NOS1: variants seen among roughly 807,000 people sequenced by gnomAD.
NOS1 encodes the protein nitric oxide synthase 1.
Under a neutral mutation model 164.5 loss-of-function variants are expected in NOS1, and 51 were observed. The observed-to-expected ratio is 0.31, with a 90% CI of 0.25 to 0.39. The LOEUF is 0.39. Ranked by LOEUF, NOS1 falls within the 10% of genes least tolerant of loss-of-function variation. NOS1 has a pLI of 1.00. For missense variants in NOS1, 1,362 were observed against 1,885.6 expected (o/e 0.72, Z 5.14); for synonymous variants, 719 against 745.8 (o/e 0.96, Z 0.59).
At chr12:117,289,292 G>C (rs1324140495) in intron 4 of NOS1, among the ~76,000 whole-genome samples, 1 of 152,208 alleles carries the variant, frequency 6.6e-6, no homozygotes, top group Non-Finnish European at 1.5e-5. Context: ...ATTCTTTTGT[G>C]TACTGGGTTC....
At chr12:117,318,722 G>A (rs1874777451) in intron 2 of NOS1, among the ~76,000 whole-genome samples, 1 of 152,172 alleles carries the variant, frequency 6.6e-6, no homozygotes, top group Non-Finnish European at 1.5e-5. Context: ...GGAGCAGGTG[G>A]GCCAAGCCTG....
At chr12:117,248,747 T>C (rs1592949542) in intron 17 of NOS1, among the ~76,000 whole-genome samples, 1 of 152,128 alleles carries the variant, frequency 6.6e-6, no homozygotes, top group South Asian at 2.1e-4. Context: ...GTATTTCTAG[T>C]TCTAGATCCC....
At position 117,284,965 on chromosome 12, in the gene NOS1, G is replaced by A. The variant is rs141506372; in HGVS notation, c.1382+276C>T. On this transcript the variant is annotated intron_variant, in intron 7 of 28. Coordinates refer to ENST00000317775, the MANE Select transcript of NOS1 (RefSeq NM_000620.5). ...CTCGGTAGGCTGAGGCAGGAGAATC[G>A]CTTGAACCTGGGAGGCAGAGGTTGC... is the stretch of plus-strand genomic sequence containing the variant. Among the ~76,000 whole-genome samples, 572 of 150,904 alleles carry A rather than the reference G, an allele frequency of 3.8e-3. 1 individual carries two copies. The highest frequency in any genetic ancestry group is 0.013 in the African/African-American group (529 of 41,110).
At chr12:117,299,515 T>TGTAGTCCCA (rs1873660482) in intron 3 of NOS1, among the ~76,000 whole-genome samples, 1 of 151,618 alleles carries the variant, frequency 6.6e-6, no homozygotes, top group African/African-American at 2.4e-5. Flanking sequence ...GGCGGGCGCC[T>TGTAGTCCCA]GTAGTCCCAG....
At chr12:117,360,787 G>A (rs1269074968) in intron 1 of NOS1, among the ~76,000 whole-genome samples, 1 of 152,232 alleles carries the variant, frequency 6.6e-6, no homozygotes, top group African/African-American at 2.4e-5. Flanking sequence ...GCTTGGGCAG[G>A]TACAACGGTC....
rs765947043 is a variant in NOS1 at position 117,234,708 on chromosome 12, T to A, written c.3092A>T (p.Gln1031Leu). 5.0e-6 allele frequency: 8 copies of A among 1,613,874 alleles called. No homozygotes were observed. The highest frequency in any genetic ancestry group is 6.8e-6 in the Non-Finnish European group (8 of 1,179,824). Residue 1031 changes from glutamine (Q) to leucine (L), a missense_variant, in exon 21 of 29, where the codon CAG becomes CTG. This residue lies in a region of NOS1 where 737 missense variants were observed against 1,030.3 expected (regional missense o/e 0.72). Transcript: ENST00000317775. The surrounding 1 kb of genome is among the most constrained non-coding windows in gnomAD (Gnocchi z 4.3). ...RLHTNGSQEL[Q>L]YQPGDHLGVF... ...ACCCAGGTGGTCCCCAGGCTGGTAC[T>A]GCAGCTCCTGGCTCCCGTTGGTGTG...
At chr12:117,266,776 G>A (rs1872454987) in intron 11 of NOS1, among the ~76,000 whole-genome samples, 1 of 152,044 alleles carries the variant, frequency 6.6e-6, no homozygotes, top group East Asian at 1.9e-4. Context: ...GACCTCAAAT[G>A]ATCCACCCTC....
At chr12:117,215,366 C>A in intron 28 of NOS1, 42 bp from the exon 29 acceptor site, 1 of 1,486,398 alleles carries the variant, frequency 6.7e-7, no homozygotes, top group Non-Finnish European at 9.0e-7. Flanking sequence ...GCCCCAAGGG[C>A]AAGGCTGCTG....
intron 28 of NOS1, 114 bp from the exon 29 acceptor site, chr12:117,215,438 CTTTTTT>C: frequency 3.0e-6 from 3 of 1,007,636 alleles, no homozygotes; most frequent in Non-Finnish European, 3.8e-6. Flanking sequence ...TTGTCTCTTT[CTTTTTT>C]TTTTTTTTTT....
At position 117,288,128 on chromosome 12, in the gene NOS1, T is replaced by C. The variant is rs771120748; in HGVS notation, c.1073A>G (p.Gln358Arg). 6.2e-7 allele frequency: 1 copy of C among 1,614,240 alleles called. No homozygotes were observed. Among genetic ancestry groups the C allele is most frequent in the Non-Finnish European group, 8.5e-7 (1 of 1,180,044 alleles). Reference protein sequence around the residue: ...RRPEDVRTKGQLFPLAKEFID... With the variant: ...RRPEDVRTKGRLFPLAKEFID... ...AAACTCTTTGGCGAGAGGGAAGAGC[T>C]GTCCTTTTGTGCGGACGTCTTCAGG... Residue 358 changes from glutamine to arginine, a missense_variant, in exon 5 of 29, where the codon CAG becomes CGG. Physicochemically the swap from Gln to Arg is conservative, Grantham distance 43. This residue lies in a region of NOS1 where 129 missense variants were observed against 186.0 expected (regional missense o/e 0.69). Transcript: ENST00000317775.
At chr12:117,318,567 C>T (rs1311896442) in intron 2 of NOS1, among the ~76,000 whole-genome samples, 1 of 152,216 alleles carries the variant, frequency 6.6e-6, no homozygotes, top group African/African-American at 2.4e-5. Flanking sequence ...TTGCCAGATC[C>T]TTCCAACTGA....
chr12:117,299,759 G>C (rs1228770284), intron 3 of NOS1, among the ~76,000 whole-genome samples: 1 of 151,626 alleles, frequency 6.6e-6, no homozygotes, highest in Non-Finnish European at 1.5e-5. Flanking sequence ...TTGGGAGTCA[G>C]ACTCACCCAG....
In NOS1 at chr12:117,208,553, A is replaced by C. The variant is rs1025535245; in HGVS notation, c.*6756T>G. 4.1e-6 allele frequency: 5 copies of C among 1,208,696 alleles called. No homozygotes were observed. The African/African-American group carries it at 7.9e-5, about 19-fold the overall frequency. 74.9% of individuals were successfully genotyped at this position (1,208,696 alleles called of 1,614,324 possible). Reference sequence around the variant, plus strand: ...TGCTGAGCCAGGAGTGTGAGTCTTAACAATCACAACGAGAACACAACAATG... The same window carrying C: ...TGCTGAGCCAGGAGTGTGAGTCTTACCAATCACAACGAGAACACAACAATG... On this transcript the variant is annotated 3_prime_UTR_variant, in exon 29 of 29. Transcript: ENST00000317775.
At chr12:117,246,803 C>T (rs746792391) in intron 18 of NOS1, among the ~76,000 whole-genome samples, 1 of 152,162 alleles carries the variant, frequency 6.6e-6, no homozygotes, top group African/African-American at 2.4e-5. Context: ...GCATGTATCA[C>T]CACTTCATTC....
In NOS1 at chr12:117,332,569, TA is replaced by T. The variant is rs9658270; in HGVS notation, c.-420-1081del. Among the ~76,000 whole-genome samples the T allele has an allele frequency of 4.6e-3, 686 of 149,208 alleles. 4 individuals are homozygous for T. The highest frequency in any genetic ancestry group is 7.7e-3 in the Non-Finnish European group (516 of 67,066). On this transcript the variant is annotated intron_variant, in intron 1 of 28. Transcript: ENST00000317775. Reference sequence around the variant, plus strand: ...TAGCAAGACCCTTTCTCTATTTATTTAAAAAAAAAATCAGGCCGGTCACAGT... The same window carrying T: ...TAGCAAGACCCTTTCTCTATTTATTTAAAAAAAAATCAGGCCGGTCACAGT...
Position 117,217,382 on chromosome 12 carries a change from AC to A in NOS1, c.4289+663del, listed in dbSNP as rs1246875114. 3.9e-5 allele frequency among the ~76,000 whole-genome samples: 6 copies of A among 152,238 alleles called. No homozygotes were observed. In the South Asian group the frequency reaches 6.2e-4, roughly 16 times the overall value. On this transcript the variant is annotated intron_variant, in intron 28 of 28. Transcript: ENST00000317775. ...GATGCTAAACCCCAGTAGGTAAAAA[AC>A]AAACAAGACAGATACTTCTGGTAGA...
Position 117,309,252 on chromosome 12 carries a change from C to G in NOS1, c.852+2214G>C, listed in dbSNP as rs928192581. The G allele has an allele frequency of 5.4e-6, 4 of 745,352 alleles. No homozygotes were observed. The Admixed American group carries it at 1.9e-4, about 35-fold the overall frequency. The allele number at this position is 745,352 out of a possible 1,614,324, so 46.2% of individuals were successfully genotyped here. On this transcript the variant is annotated intron_variant, in intron 3 of 28. Coordinates refer to ENST00000317775, the MANE Select transcript of NOS1 (RefSeq NM_000620.5). ...AAAAGTCTACAGTTGTGCTTTTCCACCAAACATTTCCAGATATCACTGCTA... is the reference window on the plus strand; with the variant it reads ...AAAAGTCTACAGTTGTGCTTTTCCAGCAAACATTTCCAGATATCACTGCTA...
chr12:117,284,714 C>T (rs913782755), intron 7 of NOS1, among the ~76,000 whole-genome samples: 4 of 152,166 alleles, frequency 2.6e-5, no homozygotes, highest in Middle Eastern at 3.4e-3. Context: ...CACAGGAATC[C>T]ACTTGTCCCA....
chr12:117,261,849 G>T (rs533329846), intron 13 of NOS1, among the ~76,000 whole-genome samples: 1 of 152,172 alleles, frequency 6.6e-6, no homozygotes, highest in Admixed American at 6.5e-5. Flanking sequence ...ACCCTGGGAA[G>T]TCTGAACATC....
Sources: allele counts gnomAD v4.1 joint callset (sites outside exome capture counted in the v4.1 genomes callset), GRCh38; gene constraint gnomAD v4.1.1; regional missense constraint gnomAD v4.1.1; non-coding constraint Gnocchi (gnomAD v3.1); transcripts MANE v1.5; gene names NCBI Gene and HGNC (gene_info 2026-07-23, HGNC 2026-07-21).